DIP2C: variants seen among roughly 807,000 people sequenced by gnomAD.
DIP2C encodes DIP2 acetate--CoA ligase C (putative), also known as disco-interacting protein 2 homolog C.
A neutral mutation model predicts 192.4 loss-of-function variants in DIP2C; 33 were observed. That is an observed-to-expected ratio of 0.17 (90% confidence interval 0.13 to 0.23). The LOEUF (loss-of-function observed/expected upper bound fraction) is 0.23, where lower values mean the gene tolerates loss of function less well. DIP2C is among the 10% of genes least tolerant of loss of function. The probability of loss-of-function intolerance (pLI) is 1.00; values close to 1 mark genes in which losing one functional copy is unlikely to be tolerated. For synonymous variants in DIP2C, 979 were observed against 864.1 expected (o/e 1.13, Z -2.33); for missense variants, 1,537 against 2,110.1 (o/e 0.73, Z 5.32).
chr10:520,218 G>A (rs963126000), intron 1 of DIP2C, among the ~76,000 whole-genome samples: 7 of 152,100 alleles, frequency 4.6e-5, no homozygotes, highest in Admixed American at 1.3e-4. Flanking sequence ...GTTTCCACAC[G>A]GGCCTTCAAC....
chr10:673,498 CAGG>C (rs1218388348), intron 1 of DIP2C, among the ~76,000 whole-genome samples: 3 of 152,196 alleles, frequency 2.0e-5, no homozygotes, highest in African/African-American at 7.2e-5. Context: ...CATCACCTTT[CAGG>C]AGCAAATCAT....
chr10:472,595 C>A (rs750384040), intron 2 of DIP2C, 46 bp from the exon 3 acceptor site: 3 of 1,507,542 alleles, frequency 2.0e-6, no homozygotes, highest in South Asian at 1.1e-5. Context: ...CTGTACTCAG[C>A]GGAGTCAGCA....
At chr10:486,121 G>A (rs1309990767) in intron 2 of DIP2C, among the ~76,000 whole-genome samples, 1 of 151,824 alleles carries the variant, frequency 6.6e-6, no homozygotes, top group Non-Finnish European at 1.5e-5. Flanking sequence ...GATTAAACCA[G>A]AATCAATAGT....
chr10:461,791 C>T (rs1969799808), intron 3 of DIP2C, among the ~76,000 whole-genome samples: 2 of 152,106 alleles, frequency 1.3e-5, no homozygotes, highest in South Asian at 2.1e-4. Context: ...AAGTAAAACA[C>T]TCAACAAATG....
chr10:508,618 G>A (rs1485506042), intron 1 of DIP2C, among the ~76,000 whole-genome samples: 1 of 152,182 alleles, frequency 6.6e-6, no homozygotes, highest in Non-Finnish European at 1.5e-5. Flanking sequence ...ATGGATGGAT[G>A]GGTGAGTGGC....
chr10:293,325 C>T (rs1040107970), intron 32 of DIP2C, among the ~76,000 whole-genome samples: 4 of 152,192 alleles, frequency 2.6e-5, no homozygotes, highest in South Asian at 2.1e-4. Context: ...GCAAACAGGA[C>T]GCAGGGAAAC....
At chr10:590,984 T>C (rs1277546906) in intron 1 of DIP2C, among the ~76,000 whole-genome samples, 1 of 152,206 alleles carries the variant, frequency 6.6e-6, no homozygotes, top group African/African-American at 2.4e-5. Context: ...AGGCCCAAGC[T>C]GGGTGGCACA....
intron 5 of DIP2C, among the ~76,000 whole-genome samples, chr10:420,345 C>T (rs992417509): frequency 6.6e-6 from 1 of 152,232 alleles, no homozygotes. Flanking sequence ...CCCCTCCTGA[C>T]GGTGTCAGTC....
intron 1 of DIP2C, among the ~76,000 whole-genome samples, chr10:648,493 G>C (rs1476971479): frequency 6.6e-6 from 1 of 151,484 alleles, no homozygotes; most frequent in African/African-American, 2.4e-5. Flanking sequence ...AGAGAACAGA[G>C]GGAAACTGAG....
At chr10:311,914 C>T (rs1328599996) in intron 31 of DIP2C, among the ~76,000 whole-genome samples, 1 of 152,130 alleles carries the variant, frequency 6.6e-6, no homozygotes, top group East Asian at 1.9e-4. Context: ...ACTCACGGTG[C>T]TCTTTCTTTC....
chr10:612,462 A>G (rs568131285), intron 1 of DIP2C, among the ~76,000 whole-genome samples: 1 of 152,352 alleles, frequency 6.6e-6, no homozygotes, highest in East Asian at 1.9e-4. Flanking sequence ...AAGGAGAAAA[A>G]GCACAGTTAA....
At chr10:407,911 C>CAA (rs1964921792) in intron 9 of DIP2C, among the ~76,000 whole-genome samples, 1 of 152,200 alleles carries the variant, frequency 6.6e-6, no homozygotes, top group South Asian at 2.1e-4. Flanking sequence ...CTTTGATATA[C>CAA]AAACATGTTT....
intron 1 of DIP2C, among the ~76,000 whole-genome samples, chr10:504,969 G>C (rs1845492083): frequency 1.3e-5 from 2 of 152,082 alleles, no homozygotes; most frequent in Admixed American, 1.3e-4. Flanking sequence ...CTCAGTGCTA[G>C]GTTCGTTCAT....
chr10:460,247 A>G (rs963297882), intron 3 of DIP2C, among the ~76,000 whole-genome samples: 1 of 151,844 alleles, frequency 6.6e-6, no homozygotes, highest in Non-Finnish European at 1.5e-5. Context: ...GGGGAAAAAA[A>G]GGTGATAACT....
chr10:389,828 G>A lies in DIP2C; in HGVS notation c.1597+163C>T, dbSNP rs544781661. ...CCGCCCAGTCTGTAGTATTTGCTAT[G>A]GTAGGCTGAGCTGATATCCTAACTC... On this transcript the variant is annotated intron_variant, in intron 13 of 36. Coordinates refer to ENST00000280886, the MANE Select transcript of DIP2C (RefSeq NM_014974.3). Among the ~76,000 whole-genome samples, 5 of 152,370 alleles carry A rather than the reference G, an allele frequency of 3.3e-5. 1 individual carries two copies. Among genetic ancestry groups the A allele is most frequent in the Admixed American group, 2.6e-4 (4 of 15,312 alleles).
intron 1 of DIP2C, among the ~76,000 whole-genome samples, chr10:590,427 G>C (rs1851331449): frequency 6.6e-6 from 1 of 152,350 alleles, no homozygotes; most frequent in East Asian, 1.9e-4. Flanking sequence ...AGGTGACCCT[G>C]GTGACACAAG....
chr10:396,937 C>T (rs1387227197), intron 10 of DIP2C, among the ~76,000 whole-genome samples: 1 of 152,074 alleles, frequency 6.6e-6, no homozygotes, highest in Non-Finnish European at 1.5e-5. Flanking sequence ...CTCAGGAGGC[C>T]AAGCATGAAC....
chr10:594,898 C>A (rs1368606568), intron 1 of DIP2C, among the ~76,000 whole-genome samples: 1 of 152,162 alleles, frequency 6.6e-6, no homozygotes, highest in Non-Finnish European at 1.5e-5. Flanking sequence ...AGCTAATTAG[C>A]ATTAGCTAAT....
intron 24 of DIP2C, among the ~76,000 whole-genome samples, chr10:352,635 G>A (rs1437970100): frequency 2.6e-5 from 4 of 152,196 alleles, no homozygotes; most frequent in South Asian, 4.1e-4. Context: ...CACACCAGGT[G>A]GGCGCCTTTC....
Sources: allele counts gnomAD v4.1 joint callset (sites outside exome capture counted in the v4.1 genomes callset), GRCh38; gene constraint gnomAD v4.1.1; transcripts MANE v1.5; gene names NCBI Gene and HGNC (gene_info 2026-07-23, HGNC 2026-07-21).